POLR2C: variants seen among roughly 807,000 people sequenced by gnomAD.
The protein encoded by POLR2C is DNA-directed RNA polymerase II subunit RPB3.
In POLR2C, 36 loss-of-function variants were observed where a neutral mutation model predicts 41.7. The observed-to-expected ratio is 0.86, with a 90% CI of 0.66 to 1.14. POLR2C has a LOEUF of 1.14. Ranked by LOEUF, POLR2C falls within the 50% of genes most tolerant of loss-of-function variation. POLR2C has a pLI of 0.00. For missense variants in POLR2C, 260 were observed against 350.4 expected (o/e 0.74, Z 2.06); for synonymous variants, 133 against 137.8 (o/e 0.96, Z 0.25).
chr16:57,470,974 G>A lies in POLR2C; in HGVS notation c.684-1G>A. 1 of 1,614,080 alleles carries A rather than the reference G, an allele frequency of 6.2e-7. No homozygotes were observed. Among genetic ancestry groups the A allele is most frequent in the Middle Eastern group, 1.6e-4 (1 of 6,062 alleles). On this transcript the variant is annotated splice_acceptor_variant, in intron 8 of 8. Coordinates refer to ENST00000219252, the MANE Select transcript of POLR2C (RefSeq NM_032940.3). LOFTEE classifies it high-confidence loss of function. ...GCACTCACTGGACTCTTGCCTCCTA[G>A]GTTTTACTACAATGTGGAGTCCTGT... is the stretch of plus-strand genomic sequence containing the variant.
chr16:57,466,460 C>A (rs1168007329), intron 4 of POLR2C, among the ~76,000 whole-genome samples: 1 of 152,144 alleles, frequency 6.6e-6, no homozygotes, highest in Admixed American at 6.5e-5. Context: ...CCACAGTGCC[C>A]ATTTATACTT....
chr16:57,470,632 C>T (rs1408439130), intron 8 of POLR2C, among the ~76,000 whole-genome samples: 2 of 152,200 alleles, frequency 1.3e-5, no homozygotes, highest in Non-Finnish European at 2.9e-5. Context: ...ACGCTAGGGG[C>T]AGAGATTTGG....
In POLR2C at chr16:57,466,144, T is replaced by G. The variant is rs1264286918; in HGVS notation, c.206-31T>G. 3 of 1,585,384 alleles carry G rather than the reference T, an allele frequency of 1.9e-6. No individual in the cohort carries two copies. In the South Asian group the frequency reaches 3.4e-5, roughly 18 times the overall value. On this transcript the variant is annotated intron_variant, in intron 3 of 8. Transcript: ENST00000219252. ...TCTCATTTTGGCTTGGCTGTTTGGT[T>G]TTCTTTAAAGTGCTTTTCTGTTTTT... is the stretch of plus-strand genomic sequence containing the variant.
rs2030852917 is a variant in POLR2C at position 57,471,748 on chromosome 16, G to GGTGGGGGTGGGGGTGGGGGTGGAA, written c.*645_*646insGGGTGGAAGTGGGGGTGGGGGTGG. 7.0e-6 allele frequency: 1 copy of GGTGGGGGTGGGGGTGGGGGTGGAA among 142,052 alleles called. No homozygotes were observed. Among genetic ancestry groups the GGTGGGGGTGGGGGTGGGGGTGGAA allele is most frequent in the African/African-American group, 2.6e-5 (1 of 39,054 alleles). 8.8% of individuals were successfully genotyped at this position (142,052 alleles called of 1,614,324 possible). A position where few individuals can be genotyped will look rare whatever the true frequency, so the allele number is the denominator to read the frequency against. On this transcript the variant is annotated 3_prime_UTR_variant, in exon 9 of 9. Transcript: ENST00000219252. ...GATCATTTAGTTTGGTGGGGGTGGG[G>GGTGGGGGTGGGGGTGGGGGTGGAA]GTGGGGGTGGGGGTGGAAGCAGCCG... is the stretch of plus-strand genomic sequence containing the variant.
At chr16:57,463,257 G>A (rs1439358673) in intron 2 of POLR2C, 179 bp downstream of exon 2, 1 of 645,640 alleles carries the variant, frequency 1.5e-6, no homozygotes, top group Non-Finnish European at 2.8e-6. Context: ...CGCCTCCCTG[G>A]CGCCCACGGG....
rs1178849237 is a variant in POLR2C at position 57,471,519 on chromosome 16, A to G, written c.*400A>G. On this transcript the variant is annotated 3_prime_UTR_variant, in exon 9 of 9. Coordinates refer to ENST00000219252, the MANE Select transcript of POLR2C (RefSeq NM_032940.3). ...TGTCTGGTGTTGAGGATCAAGTGCC[A>G]TAGCCTTTATTCAGGGGGCCTATAA... The G allele has an allele frequency of 1.8e-5, 3 of 165,502 alleles. No individual in the cohort carries two copies. Among genetic ancestry groups the G allele is most frequent in the African/African-American group, 7.2e-5 (3 of 41,906 alleles). The allele number at this position is 165,502 out of a possible 1,614,324, so 10.3% of individuals were successfully genotyped here.
In POLR2C at chr16:57,463,527, C is replaced by T. The variant is rs62037146; in HGVS notation, c.136+449C>T. 2,185 of 387,102 alleles carry T rather than the reference C, an allele frequency of 5.6e-3. 16 individuals are homozygous for T. The highest frequency in any genetic ancestry group is 8.0e-3 in the Non-Finnish European group (1,522 of 191,132). 24.0% of individuals were successfully genotyped at this position (387,102 alleles called of 1,614,324 possible). ...GTACGCAATAGGTAGTTTTTCACCC[C>T]TAGCCCCACTGCCTCCCTTCCAGCT... is the stretch of plus-strand genomic sequence containing the variant. On this transcript the variant is annotated intron_variant, in intron 2 of 8. Coordinates refer to ENST00000219252, the MANE Select transcript of POLR2C (RefSeq NM_032940.3).
At position 57,469,326 on chromosome 16, in the gene POLR2C, G is replaced by A; in HGVS notation, c.387+33G>A. 1 of 1,611,658 alleles carries A rather than the reference G, an allele frequency of 6.2e-7. No homozygotes were observed. ...CGGGAGAGCATCCTCTTTTCCCTGG[G>A]ATCTTTTCTCTTCTCTGGCTGGCTC... On this transcript the variant is annotated intron_variant, in intron 5 of 8. Transcript: ENST00000219252. The surrounding 1 kb of genome is among the most constrained non-coding windows in gnomAD (Gnocchi z 5.8).
Position 57,469,581 on chromosome 16 carries a change from G to C in POLR2C, c.388-129G>C, listed in dbSNP as rs1598044588. On this transcript the variant is annotated intron_variant, in intron 5 of 8. Transcript: ENST00000219252. The surrounding 1 kb of genome is among the most constrained non-coding windows in gnomAD (Gnocchi z 5.8). The stretch of plus-strand genomic sequence containing the variant: ...GGGGGTTGGAGTCCTGGGGGCATCT[G>C]TGCCACCACCTCGTCAGGTGTTCGT... 2 of 847,786 alleles carry C rather than the reference G, an allele frequency of 2.4e-6. No homozygotes were observed. Among genetic ancestry groups the C allele is most frequent in the South Asian group, 2.8e-5 (2 of 70,414 alleles). 52.5% of individuals were successfully genotyped at this position (847,786 alleles called of 1,614,324 possible).
At chr16:57,470,708 C>T (rs1013286522) in intron 8 of POLR2C, among the ~76,000 whole-genome samples, 7 of 152,228 alleles carry the variant, frequency 4.6e-5, no homozygotes, top group African/African-American at 1.7e-4. Flanking sequence ...GTTTTCCACT[C>T]TCTCCTCAGG....
At chr16:57,470,816 A>G (rs1264460953) in intron 8 of POLR2C, among the ~76,000 whole-genome samples, 159 bp from the exon 9 acceptor site, 3 of 152,186 alleles carry the variant, frequency 2.0e-5, no homozygotes, top group Admixed American at 2.0e-4. Context: ...AAACTACCCT[A>G]TGTAAGAGGT....
Position 57,470,356 on chromosome 16 carries a change from T to G in POLR2C, c.683+2T>G. 1 of 1,600,914 alleles carries G rather than the reference T, an allele frequency of 6.2e-7. No homozygotes were observed. Among genetic ancestry groups the G allele is most frequent in the Non-Finnish European group, 8.5e-7 (1 of 1,173,334 alleles). On this transcript the variant is annotated splice_donor_variant, in intron 8 of 8. Coordinates refer to ENST00000219252, the MANE Select transcript of POLR2C (RefSeq NM_032940.3). LOFTEE classifies it high-confidence loss of function. ...TGACCCCAACGGCAAGCCAGAAAGGTAAGAGCCTGGTTGGACATGGGAAGG... is the reference window on the plus strand; with the variant it reads ...TGACCCCAACGGCAAGCCAGAAAGGGAAGAGCCTGGTTGGACATGGGAAGG...
At chr16:57,465,055 C>G (rs1399669126) in intron 2 of POLR2C, among the ~76,000 whole-genome samples, 8 of 152,080 alleles carry the variant, frequency 5.3e-5, no homozygotes, top group Admixed American at 4.6e-4. Context: ...GCAGGCAAGG[C>G]TTAGTTTTCA....
At chr16:57,465,133 G>A (rs1470560116) in intron 2 of POLR2C, among the ~76,000 whole-genome samples, 1 of 152,162 alleles carries the variant, frequency 6.6e-6, no homozygotes, top group African/African-American at 2.4e-5. Context: ...AGGGCTGGGG[G>A]ATTAAAGAGG....
intron 2 of POLR2C, chr16:57,465,609 C>G: frequency 4.3e-6 from 1 of 233,432 alleles, no homozygotes; most frequent in South Asian, 7.1e-5. Context: ...TCAAATAGTT[C>G]ATGTTCTTGG....
At chr16:57,468,041 G>A (rs1234894674) in intron 4 of POLR2C, among the ~76,000 whole-genome samples, 1 of 151,666 alleles carries the variant, frequency 6.6e-6, no homozygotes, top group Non-Finnish European at 1.5e-5. Flanking sequence ...GACAGGTCTC[G>A]CTCTGTCACC....
intron 4 of POLR2C, 105 bp downstream of exon 4, chr16:57,466,332 C>G: frequency 1.3e-6 from 1 of 764,916 alleles, no homozygotes; most frequent in Non-Finnish European, 2.2e-6. Flanking sequence ...TGTTGTAGTT[C>G]TGGAACAACA....
In POLR2C at chr16:57,471,139, G is replaced by A; in HGVS notation, c.*20G>A. 1.2e-6 allele frequency: 2 copies of A among 1,610,184 alleles called. No individual in the cohort carries two copies. Among genetic ancestry groups the A allele is most frequent in the Non-Finnish European group, 1.7e-6 (2 of 1,176,690 alleles). On this transcript the variant is annotated 3_prime_UTR_variant, in exon 9 of 9. Coordinates refer to ENST00000219252, the MANE Select transcript of POLR2C (RefSeq NM_032940.3). ...AATTAACTGCAGCTTGCCTGCTTCA[G>A]CAAAAACGGAGATTCAGGCCAGCAG...
intron 2 of POLR2C, chr16:57,463,815 C>G (rs996133639): frequency 3.1e-6 from 1 of 326,340 alleles, no homozygotes; most frequent in African/African-American, 2.2e-5. Flanking sequence ...TGGTGGCTCC[C>G]ACCTGTAATC....
Sources: gnomAD v4.1 joint callset for allele counts (sites outside exome capture counted in the v4.1 genomes callset) on GRCh38, gnomAD v4.1.1 for gene constraint, Gnocchi (gnomAD v3.1) non-coding constraint, MANE v1.5 for transcripts, NCBI Gene and HGNC (gene_info 2026-07-23, HGNC 2026-07-21) for gene names.